ZFAT: variants seen among roughly 807,000 people sequenced by gnomAD.
ZFAT encodes zinc finger protein ZFAT.
ZFAT carries 64 observed loss-of-function variants against 117.7 expected under a neutral mutation model. The ratio of observed to expected loss-of-function variants is 0.54; its 90% CI spans 0.44 to 0.67. The LOEUF (loss-of-function observed/expected upper bound fraction) is 0.67. Ranked by LOEUF, ZFAT falls within the 30% of genes least tolerant of loss-of-function variation. ZFAT has a pLI of 0.00. For synonymous variants in ZFAT, 679 were observed against 615.0 expected, an observed-to-expected ratio of 1.10 and a Z score of -1.54; for missense variants, 1,433 against 1,584.5, an observed-to-expected ratio of 0.90 and a Z score of 1.62.
At chr8:134,814,339 C>A in the ZFAT span, among the ~76,000 whole-genome samples, 606 of 152,314 alleles carry the variant, frequency 4.0e-3, 5 homozygotes, top group African/African-American at 0.014. Context: ...AAATACAACG[C>A]TTAATAAAAC....
intron 1 of ZFAT, among the ~76,000 whole-genome samples, chr8:134,707,793 G>C (rs992364302): frequency 6.6e-6 from 1 of 152,168 alleles, no homozygotes; most frequent in African/African-American, 2.4e-5. Context: ...TGAACACAAA[G>C]GCATCCGATT....
the ZFAT span, among the ~76,000 whole-genome samples, chr8:134,780,294 C>T: frequency 6.6e-6 from 1 of 152,154 alleles, no homozygotes; most frequent in Non-Finnish European, 1.5e-5. Context: ...ATGTTCTAAT[C>T]TTCCAAGACA....
At chr8:134,569,860 C>T (rs1281496705) in intron 10 of ZFAT, among the ~76,000 whole-genome samples, 1 of 152,178 alleles carries the variant, frequency 6.6e-6, no homozygotes, top group Admixed American at 6.5e-5. Context: ...AAACAAAAAG[C>T]ATAAAAGCAG....
intron 1 of ZFAT, among the ~76,000 whole-genome samples, chr8:134,685,755 T>C (rs1833289655): frequency 6.6e-6 from 1 of 152,300 alleles, no homozygotes; most frequent in South Asian, 2.1e-4. Context: ...ATATACGTGC[T>C]AACATCACCC....
At chr8:134,779,398 G>T in the ZFAT span, among the ~76,000 whole-genome samples, 1 of 151,672 alleles carries the variant, frequency 6.6e-6, no homozygotes, top group African/African-American at 2.4e-5. Context: ...GGACAGACAC[G>T]CTGAAGATGC....
At chr8:134,500,304 C>T (rs945835687) in intron 15 of ZFAT, among the ~76,000 whole-genome samples, 15 of 152,164 alleles carry the variant, frequency 9.9e-5, no homozygotes, top group Admixed American at 2.0e-4. Flanking sequence ...TGGGATTCTG[C>T]AAATAGCACC....
At chr8:134,830,238 G>A in the ZFAT span, among the ~76,000 whole-genome samples, 1 of 152,156 alleles carries the variant, frequency 6.6e-6, no homozygotes, top group African/African-American at 2.4e-5. Context: ...ATCTTTTCAG[G>A]TTGTAACAAT....
At chr8:134,676,355 T>C (rs1832802910) in intron 1 of ZFAT, among the ~76,000 whole-genome samples, 2 of 151,564 alleles carry the variant, frequency 1.3e-5, no homozygotes, top group South Asian at 4.2e-4. Flanking sequence ...AAGAAGTGCA[T>C]TACATAATGG....
At chr8:134,576,384 C>T (rs373140484) in intron 10 of ZFAT, among the ~76,000 whole-genome samples, 1 of 152,186 alleles carries the variant, frequency 6.6e-6, no homozygotes, top group African/African-American at 2.4e-5. Flanking sequence ...ACCACCCAGA[C>T]TCCAGCCCAG....
chr8:134,664,198 T>C (rs1052644219), intron 1 of ZFAT, among the ~76,000 whole-genome samples: 8 of 151,016 alleles, frequency 5.3e-5, no homozygotes, highest in African/African-American at 1.2e-4. Flanking sequence ...CAGCCCATGA[T>C]CCCCACTCTA....
intron 15 of ZFAT, among the ~76,000 whole-genome samples, chr8:134,497,811 A>T (rs1348769895): frequency 4.8e-5 from 4 of 83,040 alleles, no homozygotes; most frequent in Admixed American, 2.9e-4. Context: ...GGGATGCCCC[A>T]GCAGCTGGTT....
intron 15 of ZFAT, among the ~76,000 whole-genome samples, chr8:134,500,788 C>A (rs1586592793): frequency 6.6e-6 from 1 of 152,186 alleles, no homozygotes; most frequent in Non-Finnish European, 1.5e-5. Flanking sequence ...TAACCTATTG[C>A]CAAGACTCTG....
chr8:134,681,507 C>T (rs771435119), intron 1 of ZFAT, among the ~76,000 whole-genome samples: 2 of 152,196 alleles, frequency 1.3e-5, no homozygotes, highest in Non-Finnish European at 2.9e-5. Context: ...AAATGATTAA[C>T]CATTTATCAA....
intron 11 of ZFAT, among the ~76,000 whole-genome samples, chr8:134,551,736 G>C (rs1176396132): frequency 6.6e-6 from 1 of 152,160 alleles, no homozygotes. Flanking sequence ...CACATCCTCG[G>C]CTGACCTCAT....
At chr8:134,656,114 AG>A (rs1361538454) in intron 2 of ZFAT, among the ~76,000 whole-genome samples, 1 of 152,164 alleles carries the variant, frequency 6.6e-6, no homozygotes. Context: ...GCTTCTGGCC[AG>A]GGGTCAGGAC....
chr8:134,766,852 GC>G, the ZFAT span: 3 of 152,248 alleles, frequency 2.0e-5, no homozygotes, highest in East Asian at 5.8e-4. Context: ...GGTTCCAGAG[GC>G]TATGCCTTTA....
Position 134,478,544 on chromosome 8 carries a change from C to A in ZFAT, c.3670G>T (p.Val1224Leu), listed in dbSNP as rs369976585. Residue 1224 changes from valine to leucine, a missense_variant, in exon 16 of 16, where the codon GTG becomes TTG. Physicochemically the swap from Val to Leu is conservative, Grantham distance 32. Coordinates refer to ENST00000377838, the MANE Select transcript of ZFAT (RefSeq NM_020863.4). This position sits in a 1 kb window ranked among gnomAD's most constrained non-coding sequence, Gnocchi z 5.2. ...TCCACAGGCTGCATGGCCTCCTGCA[C>A]GTAGACGATGAACTCCGAGGCCTCC... Reference protein sequence around the residue: ...GGEASEFIVYVQEAMQPVEEQ... With the variant: ...GGEASEFIVYLQEAMQPVEEQ... 1 of 1,593,904 alleles carries A rather than the reference C, an allele frequency of 6.3e-7. No individual in the cohort carries two copies. The highest frequency in any genetic ancestry group is 8.5e-7 in the Non-Finnish European group (1 of 1,170,872).
chr8:134,708,399 T>G (rs1813863483), intron 1 of ZFAT, among the ~76,000 whole-genome samples: 1 of 152,108 alleles, frequency 6.6e-6, no homozygotes, highest in Non-Finnish European at 1.5e-5. Context: ...TATTCCACAT[T>G]ATACTCATAA....
At chr8:134,770,931 G>T in the ZFAT span, among the ~76,000 whole-genome samples, 2 of 145,818 alleles carry the variant, frequency 1.4e-5, no homozygotes, top group Non-Finnish European at 3.0e-5. Flanking sequence ...ATTTTGGTCA[G>T]ACCGATTGAT....
Sources: allele counts gnomAD v4.1 joint callset (sites outside exome capture counted in the v4.1 genomes callset), GRCh38; gene constraint gnomAD v4.1.1; non-coding constraint Gnocchi (gnomAD v3.1); transcripts MANE v1.5; gene names NCBI Gene and HGNC (gene_info 2026-07-23, HGNC 2026-07-21).